The following PCDH9 variants were observed in gnomAD, a reference collection of about 807,000 sequenced individuals.
PCDH9 encodes protocadherin-9.
Under a neutral mutation model 70.6 loss-of-function variants are expected in PCDH9, and 24 were observed. The observed-to-expected ratio is 0.34, with a 90% CI of 0.25 to 0.48. PCDH9 has a LOEUF of 0.48. PCDH9 is among the 20% of genes least tolerant of loss of function. PCDH9 has a pLI of 0.99. For missense variants in PCDH9, 1,281 were observed against 1,503.6 expected, an observed-to-expected ratio of 0.85 and a Z score of 2.45; for synonymous variants, 562 against 558.5, an observed-to-expected ratio of 1.01 and a Z score of -0.09.
At chr13:67,134,364 G>A (rs1047179900) in intron 2 of PCDH9, among the ~76,000 whole-genome samples, 4 of 151,988 alleles carry the variant, frequency 2.6e-5, no homozygotes, top group African/African-American at 9.7e-5. Context: ...CACAGAATTA[G>A]CTGTTTTAAT....
chr13:66,658,399 T>C (rs969509189), intron 3 of PCDH9, among the ~76,000 whole-genome samples: 2 of 152,184 alleles, frequency 1.3e-5, no homozygotes, highest in African/African-American at 2.4e-5. Context: ...GCTTAAACTA[T>C]AGAATAAACA....
intron 4 of PCDH9, among the ~76,000 whole-genome samples, chr13:66,357,218 A>T (rs1956398846): frequency 6.6e-6 from 1 of 151,986 alleles, no homozygotes; most frequent in Non-Finnish European, 1.5e-5. Context: ...GGCCTTGGTG[A>T]TCAGGTAAGA....
At chr13:66,881,476 C>T (rs767912107) in intron 3 of PCDH9, among the ~76,000 whole-genome samples, 7 of 152,078 alleles carry the variant, frequency 4.6e-5, no homozygotes, top group Non-Finnish European at 8.8e-5. Context: ...GAAAGACTCA[C>T]CCTCATAATT....
intron 2 of PCDH9, among the ~76,000 whole-genome samples, chr13:67,096,438 A>G (rs746414285): frequency 3.9e-5 from 6 of 152,182 alleles, no homozygotes; most frequent in Non-Finnish European, 5.9e-5. Flanking sequence ...AAGAGTAGAA[A>G]GAGAGGAAAA....
intron 4 of PCDH9, among the ~76,000 whole-genome samples, chr13:66,531,397 T>C (rs1218713015): frequency 6.6e-6 from 1 of 152,140 alleles, no homozygotes; most frequent in Non-Finnish European, 1.5e-5. Flanking sequence ...TATGGAAAGC[T>C]AGTTAAAAAT....
At chr13:66,621,553 T>C (rs1445342271) in intron 4 of PCDH9, among the ~76,000 whole-genome samples, 1 of 152,212 alleles carries the variant, frequency 6.6e-6, no homozygotes, top group Non-Finnish European at 1.5e-5. Context: ...AGTCGGCGTA[T>C]ATGAGTTTTA....
At chr13:67,088,021 A>G (rs2086143021) in intron 2 of PCDH9, among the ~76,000 whole-genome samples, 1 of 152,154 alleles carries the variant, frequency 6.6e-6, no homozygotes, top group East Asian at 1.9e-4. Flanking sequence ...TGATCAGCCC[A>G]AAAGCTGCTG....
chr13:66,746,175 T>A (rs2079359781), intron 3 of PCDH9, among the ~76,000 whole-genome samples: 1 of 152,210 alleles, frequency 6.6e-6, no homozygotes, highest in African/African-American at 2.4e-5. Flanking sequence ...AACAATGTAA[T>A]GAGAATGCTT....
At chr13:67,127,531 A>G (rs944251276) in intron 2 of PCDH9, among the ~76,000 whole-genome samples, 2 of 151,712 alleles carry the variant, frequency 1.3e-5, no homozygotes, top group Admixed American at 1.3e-4. Context: ...GTGTGTGTGC[A>G]TGTATGTGTA....
intron 4 of PCDH9, among the ~76,000 whole-genome samples, chr13:66,457,545 C>T (rs1325322621): frequency 6.6e-6 from 1 of 151,950 alleles, no homozygotes; most frequent in East Asian, 1.9e-4. Context: ...ACACTTATGC[C>T]ATTAATCCCC....
intron 2 of PCDH9, among the ~76,000 whole-genome samples, chr13:67,178,549 A>G (rs908385278): frequency 2.6e-5 from 4 of 152,100 alleles, no homozygotes; most frequent in Non-Finnish European, 4.4e-5. Context: ...TTGCCTCTTC[A>G]TAACTTGAGC....
At chr13:67,043,281 T>C (rs1212777956) in intron 2 of PCDH9, among the ~76,000 whole-genome samples, 6 of 152,150 alleles carry the variant, frequency 3.9e-5, no homozygotes, top group Non-Finnish European at 7.4e-5. Flanking sequence ...GAGAGAGTGA[T>C]TGGCATCTAT....
chr13:66,910,160 C>T (rs760779947), intron 2 of PCDH9, among the ~76,000 whole-genome samples: 1 of 152,156 alleles, frequency 6.6e-6, no homozygotes, highest in Non-Finnish European at 1.5e-5. Context: ...CTCCTTTGTT[C>T]CAACAAGCCA....
At chr13:66,902,045 G>A (rs1949057934) in intron 3 of PCDH9, among the ~76,000 whole-genome samples, 1 of 151,302 alleles carries the variant, frequency 6.6e-6, no homozygotes, top group African/African-American at 2.4e-5. Context: ...CATCCAATTA[G>A]AACTATTGTG....
intron 2 of PCDH9, among the ~76,000 whole-genome samples, chr13:67,091,418 C>CA (rs1436432389): frequency 1.3e-5 from 2 of 152,234 alleles, no homozygotes; most frequent in African/African-American, 4.8e-5. Context: ...AAACCTCCAA[C>CA]TACAAATATT....
chr13:66,868,715 T>G (rs1377622322), intron 3 of PCDH9, among the ~76,000 whole-genome samples: 4 of 152,136 alleles, frequency 2.6e-5, no homozygotes, highest in Admixed American at 2.6e-4. Context: ...AAGAGACATA[T>G]GACATGAAAT....
intron 3 of PCDH9, among the ~76,000 whole-genome samples, chr13:66,696,783 C>CT (rs34598874): frequency 0.1 from 12,864 of 125,814 alleles, 715 homozygotes; most frequent in African/African-American, 0.12. Context: ...TTCAGGCAAA[C>CT]TTTTTTTTTT....
chr13:66,342,327 T>A (rs1338544129), intron 4 of PCDH9, among the ~76,000 whole-genome samples: 1 of 152,200 alleles, frequency 6.6e-6, no homozygotes, highest in South Asian at 2.1e-4. Flanking sequence ...ACAACTTGCT[T>A]TTAAAATAGA....
At chr13:66,740,013 T>A (rs1197070132) in intron 3 of PCDH9, among the ~76,000 whole-genome samples, 2 of 151,638 alleles carry the variant, frequency 1.3e-5, no homozygotes, top group African/African-American at 4.9e-5. Flanking sequence ...TACAGAACTC[T>A]CCACCCCAAA....
Sources: gnomAD v4.1 joint callset for allele counts (sites outside exome capture counted in the v4.1 genomes callset) on GRCh38, gnomAD v4.1.1 for gene constraint, MANE v1.5 for transcripts, NCBI Gene and HGNC (gene_info 2026-07-23, HGNC 2026-07-21) for gene names.